Variants in ASTN2 observed in about 807,000 individuals in gnomAD.
ASTN2 encodes astrotactin 2.
A neutral mutation model predicts 139.8 loss-of-function variants in ASTN2; 54 were observed. That is an observed-to-expected ratio of 0.39 (90% CI 0.31 to 0.48). The LOEUF (loss-of-function observed/expected upper bound fraction) is 0.48. Ranked by LOEUF, ASTN2 falls within the 20% of genes least tolerant of loss-of-function variation. The pLI is 0.95. For synonymous variants in ASTN2, 756 were observed against 719.5 expected (o/e 1.05, Z -0.81); for missense variants, 1,565 against 1,725.1 (o/e 0.91, Z 1.64).
At chr9:116,709,342 AG>A (rs1828079058) in intron 16 of ASTN2, among the ~76,000 whole-genome samples, 1 of 152,208 alleles carries the variant, frequency 6.6e-6, no homozygotes, top group African/African-American at 2.4e-5. Context: ...CAGAGTGAAG[AG>A]TAAAGGGAGT....
chr9:117,081,460 C>T (rs1288722053), intron 5 of ASTN2, among the ~76,000 whole-genome samples: 1 of 152,178 alleles, frequency 6.6e-6, no homozygotes. Flanking sequence ...TTTAAAATAG[C>T]CTCCAACATT....
At chr9:117,272,104 T>C (rs921950557) in intron 2 of ASTN2, among the ~76,000 whole-genome samples, 1 of 152,228 alleles carries the variant, frequency 6.6e-6, no homozygotes, top group Non-Finnish European at 1.5e-5. Context: ...AACTTTTGCC[T>C]GGGCTTCAAG....
intron 19 of ASTN2, among the ~76,000 whole-genome samples, chr9:116,488,957 A>C (rs939299111): frequency 6.6e-6 from 1 of 152,222 alleles, no homozygotes; most frequent in East Asian, 1.9e-4. Flanking sequence ...TGGATGATCT[A>C]GGAAAAAAAC....
intron 17 of ASTN2, among the ~76,000 whole-genome samples, chr9:116,623,543 C>A (rs1192096580): frequency 2.0e-5 from 3 of 152,140 alleles, no homozygotes; most frequent in Non-Finnish European, 2.9e-5. Context: ...CCAATTAGAT[C>A]CCGGGGGAGG....
intron 5 of ASTN2, among the ~76,000 whole-genome samples, chr9:117,064,728 TA>T (rs1347180900): frequency 6.6e-6 from 1 of 151,990 alleles, no homozygotes; most frequent in Non-Finnish European, 1.5e-5. Context: ...ATGCATACAC[TA>T]AAAGCTTAAG....
chr9:117,045,198 A>G, intron 5 of ASTN2, among the ~76,000 whole-genome samples: 1 of 151,236 alleles, frequency 6.6e-6, no homozygotes, highest in East Asian at 1.9e-4. Context: ...GAAAAATGGG[A>G]ACAGTGGTCT....
At chr9:116,532,722 T>C (rs1418542336) in intron 19 of ASTN2, among the ~76,000 whole-genome samples, 1 of 152,212 alleles carries the variant, frequency 6.6e-6, no homozygotes, top group Non-Finnish European at 1.5e-5. Context: ...TTGGTCTATA[T>C]CTCTGTTTTG....
At chr9:117,109,383 T>C (rs1480556235) in intron 4 of ASTN2, among the ~76,000 whole-genome samples, 1 of 151,716 alleles carries the variant, frequency 6.6e-6, no homozygotes, top group Non-Finnish European at 1.5e-5. Flanking sequence ...AATAAATCTG[T>C]CCTTCAATAG....
intron 18 of ASTN2, 64 bp from the exon 19 acceptor site, chr9:116,618,536 C>T (rs1855967748): frequency 2.0e-6 from 3 of 1,520,564 alleles, no homozygotes; most frequent in African/African-American, 1.4e-5. Context: ...CCAAAAGAAT[C>T]CGCATGTGTC....
At chr9:116,725,710 C>A (rs1828601198) in intron 16 of ASTN2, 61 bp downstream of exon 16, 1 of 1,551,728 alleles carries the variant, frequency 6.4e-7, no homozygotes, top group African/African-American at 1.4e-5. Context: ...AGTTGTCTCC[C>A]CAGACCCCTT....
intron 10 of ASTN2, among the ~76,000 whole-genome samples, chr9:116,943,316 G>T (rs1332908687): frequency 6.6e-6 from 1 of 152,166 alleles, no homozygotes; most frequent in Non-Finnish European, 1.5e-5. Flanking sequence ...CTCAGGCTCA[G>T]AGTAAAGAGA....
At chr9:117,038,717 A>G (rs1459010507) in intron 6 of ASTN2, among the ~76,000 whole-genome samples, 3 of 152,238 alleles carry the variant, frequency 2.0e-5, no homozygotes, top group Admixed American at 2.0e-4. Context: ...CCAAACTTCA[A>G]TACAGCTAAA....
At chr9:117,082,100 T>G (rs1465991186) in intron 5 of ASTN2, among the ~76,000 whole-genome samples, 1 of 152,010 alleles carries the variant, frequency 6.6e-6, no homozygotes, top group Non-Finnish European at 1.5e-5. Context: ...GACCACAGAG[T>G]GCTGACATCC....
chr9:117,212,054 G>C (rs150121640), intron 3 of ASTN2, among the ~76,000 whole-genome samples: 41 of 152,200 alleles, frequency 2.7e-4, no homozygotes, highest in African/African-American at 7.9e-4. Context: ...TATGGTACTG[G>C]CATAAAAACA....
chr9:116,805,181 T>G (rs1033174262), intron 13 of ASTN2, among the ~76,000 whole-genome samples: 9 of 150,754 alleles, frequency 6.0e-5, no homozygotes, highest in Admixed American at 4.0e-4. Context: ...AAGAGAGAAG[T>G]AGAAATTTTA....
chr9:116,707,632 C>T (rs1406573429), intron 16 of ASTN2, among the ~76,000 whole-genome samples: 1 of 152,058 alleles, frequency 6.6e-6, no homozygotes, highest in African/African-American at 2.4e-5. Flanking sequence ...CACAATTTGA[C>T]CCAATTGGAA....
At chr9:116,553,096 A>C (rs1852427665) in intron 19 of ASTN2, among the ~76,000 whole-genome samples, 1 of 152,030 alleles carries the variant, frequency 6.6e-6, no homozygotes, top group Non-Finnish European at 1.5e-5. Flanking sequence ...GCTTAGGCAA[A>C]ATCTCCTCCT....
At chr9:117,327,197 C>A (rs1423791177) in intron 1 of ASTN2, among the ~76,000 whole-genome samples, 1 of 152,148 alleles carries the variant, frequency 6.6e-6, no homozygotes, top group African/African-American at 2.4e-5. Context: ...TTGCTCGCTG[C>A]CCACTGCTCA....
intron 1 of ASTN2, among the ~76,000 whole-genome samples, chr9:117,409,863 T>A (rs1437719452): frequency 1.3e-5 from 2 of 152,182 alleles, no homozygotes; most frequent in Non-Finnish European, 2.9e-5. Context: ...GCCAGGTTCC[T>A]GGCACCTCAC....
Sources: gnomAD v4.1 joint callset for allele counts (sites outside exome capture counted in the v4.1 genomes callset) on GRCh38, gnomAD v4.1.1 for gene constraint, MANE v1.5 for transcripts, NCBI Gene and HGNC (gene_info 2026-07-23, HGNC 2026-07-21) for gene names.